YAF2: variants seen among roughly 807,000 people sequenced by gnomAD.
The protein encoded by YAF2 is YY1 associated factor 2.
Under a neutral mutation model 20.1 loss-of-function variants are expected in YAF2, and 7 were observed. That is an observed-to-expected ratio of 0.35 (90% CI 0.20 to 0.65). The LOEUF is 0.65. Among genes scored for constraint, YAF2 ranks in the 30% least tolerant of loss-of-function variants. The probability of loss-of-function intolerance (pLI) is 0.69; values close to 1 mark genes in which losing one functional copy is unlikely to be tolerated. For missense variants in YAF2, 151 were observed against 219.2 expected (o/e 0.69, Z 1.96); for synonymous variants, 74 against 76.0 (o/e 0.97, Z 0.14).
intron 2 of YAF2, among the ~76,000 whole-genome samples, chr12:42,193,744 T>A (rs964227311): frequency 6.6e-6 from 1 of 152,300 alleles, no homozygotes; most frequent in African/African-American, 2.4e-5. Context: ...GCTCAAGTGA[T>A]CTGCCTGCAT....
chr12:42,188,032 C>T (rs146490042), intron 2 of YAF2, among the ~76,000 whole-genome samples: 4 of 152,296 alleles, frequency 2.6e-5, no homozygotes, highest in African/African-American at 9.6e-5. Context: ...ATCTTAGTTG[C>T]ACCCTCAGGA....
intron 2 of YAF2, among the ~76,000 whole-genome samples, chr12:42,225,429 C>A (rs2067660361): frequency 6.6e-6 from 1 of 152,188 alleles, no homozygotes; most frequent in African/African-American, 2.4e-5. Flanking sequence ...GTCATGAAGT[C>A]TTTGCCCATG....
chr12:42,232,648 T>C (rs1592068345), intron 2 of YAF2: 1 of 985,420 alleles, frequency 1.0e-6, no homozygotes, highest in East Asian at 1.1e-4. Context: ...CTCAATTTTT[T>C]TCTCCCATTC....
intron 2 of YAF2, among the ~76,000 whole-genome samples, chr12:42,201,653 C>T (rs2066901988): frequency 6.6e-6 from 1 of 152,146 alleles, no homozygotes; most frequent in Non-Finnish European, 1.5e-5. Context: ...CTCACTGCAA[C>T]CTCCACCTCC....
At chr12:42,210,093 C>T (rs1000032843) in intron 2 of YAF2, among the ~76,000 whole-genome samples, 4 of 152,002 alleles carry the variant, frequency 2.6e-5, no homozygotes, top group East Asian at 1.9e-4. Context: ...TCAGCAAGCC[C>T]GGCCAACTAA....
At chr12:42,224,397 C>T (rs919232385) in intron 2 of YAF2, among the ~76,000 whole-genome samples, 5 of 151,974 alleles carry the variant, frequency 3.3e-5, no homozygotes, top group African/African-American at 7.3e-5. Flanking sequence ...TTTTATTATA[C>T]TTTAAATTCT....
intron 2 of YAF2, among the ~76,000 whole-genome samples, chr12:42,220,739 C>T (rs1448464891): frequency 6.6e-6 from 1 of 152,160 alleles, no homozygotes; most frequent in East Asian, 1.9e-4. Flanking sequence ...GAACCCTGAT[C>T]AGACTATAAA....
chr12:42,189,464 C>G (rs948745771), intron 2 of YAF2, among the ~76,000 whole-genome samples: 2 of 152,084 alleles, frequency 1.3e-5, no homozygotes, highest in South Asian at 4.1e-4. Context: ...AAATCCACAA[C>G]GATTACAATG....
chr12:42,212,163 A>C (rs2067231918), intron 2 of YAF2, among the ~76,000 whole-genome samples: 1 of 152,220 alleles, frequency 6.6e-6, no homozygotes, highest in African/African-American at 2.4e-5. Flanking sequence ...GAAATACAGC[A>C]AATTTTAAAC....
At position 42,160,079 on chromosome 12, in the gene YAF2, C is replaced by T. The variant is rs1940493923; in HGVS notation, c.*510G>A. The T allele has an allele frequency of 6.6e-6, 1 of 152,578 alleles. No homozygotes were observed. The highest frequency in any genetic ancestry group is 2.1e-4 in the South Asian group (1 of 4,830). The allele number at this position is 152,578 out of a possible 1,614,324, so 9.5% of individuals were successfully genotyped here. A position where few individuals can be genotyped will look rare whatever the true frequency, so the allele number is the denominator to read the frequency against. On this transcript the variant is annotated 3_prime_UTR_variant, in exon 4 of 4. Transcript: ENST00000534854. Reference sequence around the variant, plus strand: ...AAATTCTTTATTTAATAACAATTTTCCTATTTAACCACACCAAGTACCAGC... The same window carrying T: ...AAATTCTTTATTTAATAACAATTTTTCTATTTAACCACACCAAGTACCAGC...
chr12:42,197,462 G>T (rs1472810977), intron 2 of YAF2, among the ~76,000 whole-genome samples: 1 of 152,204 alleles, frequency 6.6e-6, no homozygotes, highest in African/African-American at 2.4e-5. Flanking sequence ...TCCATATCCT[G>T]CCACTGCTAA....
intron 2 of YAF2, among the ~76,000 whole-genome samples, chr12:42,199,728 G>A (rs1199386210): frequency 6.6e-6 from 1 of 151,944 alleles, no homozygotes; most frequent in African/African-American, 2.4e-5. Flanking sequence ...CAAAGACACA[G>A]AATACGGTAA....
At chr12:42,226,006 T>C (rs935440182) in intron 2 of YAF2, among the ~76,000 whole-genome samples, 13 of 152,218 alleles carry the variant, frequency 8.5e-5, no homozygotes, top group African/African-American at 3.1e-4. Flanking sequence ...TTCCTATCCA[T>C]GAGCATGGAA....
chr12:42,226,782 G>A (rs1477946771), intron 2 of YAF2, among the ~76,000 whole-genome samples: 2 of 152,144 alleles, frequency 1.3e-5, no homozygotes, highest in African/African-American at 2.4e-5. Context: ...AACGCCAGGT[G>A]TCAAATAGCA....
intron 2 of YAF2, among the ~76,000 whole-genome samples, chr12:42,206,566 G>A (rs185620564): frequency 8.6e-5 from 13 of 150,888 alleles, no homozygotes; most frequent in African/African-American, 2.7e-4. Context: ...CCGAGATAGC[G>A]CCACTGCACT....
chr12:42,163,166 T>TA (rs1412196274), intron 2 of YAF2, among the ~76,000 whole-genome samples: 3 of 151,646 alleles, frequency 2.0e-5, no homozygotes, highest in Admixed American at 1.3e-4. Flanking sequence ...GACCACACTT[T>TA]AAAAAAAAGC....
chr12:42,199,669 TA>T (rs1422727149), intron 2 of YAF2: 2 of 153,146 alleles, frequency 1.3e-5, no homozygotes, highest in Non-Finnish European at 2.9e-5. Context: ...TTTAGGGAAT[TA>T]AGAATTTCAA....
At position 42,237,592 on chromosome 12, in the gene YAF2, G is replaced by A. The variant is rs964330706; in HGVS notation, c.152+7C>T. 2 of 1,531,664 alleles carry A rather than the reference G, an allele frequency of 1.3e-6. No homozygotes were observed. Among genetic ancestry groups the A allele is most frequent in the African/African-American group, 1.4e-5 (1 of 71,264 alleles). 94.9% of individuals were successfully genotyped at this position (1,531,664 alleles called of 1,614,324 possible). A position where few individuals can be genotyped will look rare whatever the true frequency, so the allele number is the denominator to read the frequency against. On this transcript the variant is annotated splice_region_variant and intron_variant, in intron 2 of 3. Coordinates refer to ENST00000534854, the MANE Select transcript of YAF2 (RefSeq NM_005748.6). ...CCGGCGGCGCGAGGGGCAGGCCCGGGACTCACCGGGTGGAGGTGCCCTTCC... is the reference window on the plus strand; with the variant it reads ...CCGGCGGCGCGAGGGGCAGGCCCGGAACTCACCGGGTGGAGGTGCCCTTCC...
At chr12:42,199,941 G>A (rs1156714679) in intron 2 of YAF2, among the ~76,000 whole-genome samples, 1 of 152,128 alleles carries the variant, frequency 6.6e-6, no homozygotes, top group African/African-American at 2.4e-5. Context: ...AATTACCTTA[G>A]TGCCTGACAA....
Sources: gnomAD v4.1 joint callset for allele counts (sites outside exome capture counted in the v4.1 genomes callset) on GRCh38, gnomAD v4.1.1 for gene constraint, MANE v1.5 for transcripts, NCBI Gene and HGNC (gene_info 2026-07-23, HGNC 2026-07-21) for gene names.